The following RPH3A variants were observed in gnomAD, a reference collection of about 807,000 sequenced individuals.
RPH3A encodes rabphilin-3A.
In RPH3A, 48 loss-of-function variants were observed where a neutral mutation model predicts 102.2. The observed-to-expected ratio is 0.47, with a 90% CI of 0.37 to 0.60. The LOEUF is 0.60. RPH3A is among the 20% of genes least tolerant of loss of function. RPH3A has a pLI of 0.00. For missense variants in RPH3A, 781 were observed against 910.1 expected (o/e 0.86, Z 1.83); for synonymous variants, 310 against 324.3 (o/e 0.96, Z 0.47).
At chr12:112,660,703 A>G (rs1019204753) in intron 1 of RPH3A, among the ~76,000 whole-genome samples, 1 of 152,164 alleles carries the variant, frequency 6.6e-6, no homozygotes, top group African/African-American at 2.4e-5. Flanking sequence ...ACAAACAAAA[A>G]TCCCAAAACT....
rs113405148 is a variant in RPH3A at position 112,721,722 on chromosome 12, C to T, written c.-139-70421C>T. On this transcript the variant is annotated intron_variant, in intron 1 of 21. Transcript: ENST00000543106. ...GAGCTGCTAATCTCAGTAGTGCATA[C>T]TTATTGGAACCTACTGTAGCAATGG... Among the ~76,000 whole-genome samples, 87 of 150,984 alleles carry T rather than the reference C, an allele frequency of 5.8e-4. 1 individual carries two copies. Among genetic ancestry groups the T allele is most frequent in the African/African-American group, 2.0e-3 (84 of 41,114 alleles).
chr12:112,835,520 T>A (rs2136167257), intron 3 of RPH3A, among the ~76,000 whole-genome samples: 1 of 152,324 alleles, frequency 6.6e-6, no homozygotes, highest in East Asian at 1.9e-4. Flanking sequence ...ATGAAACATC[T>A]TGGCATTCTG....
chr12:112,808,672 A>G lies in RPH3A; in HGVS notation c.-19+16409A>G, dbSNP rs1344950796. On this transcript the variant is annotated intron_variant, in intron 2 of 21. Transcript: ENST00000389385. ...CCTGGGTTTGATTTTCTAGCATTGC[A>G]TAAAGTGGCGGTTCTCAGAATGCAA... Among the ~76,000 whole-genome samples the G allele has an allele frequency of 2.6e-5, 4 of 152,182 alleles. No individual in the cohort carries two copies. In the East Asian group the frequency reaches 7.7e-4, roughly 29 times the overall value.
intron 1 of RPH3A, among the ~76,000 whole-genome samples, chr12:112,624,397 A>G (rs2039756522): frequency 6.7e-6 from 1 of 149,020 alleles, no homozygotes; most frequent in African/African-American, 2.5e-5. Context: ...CCACAGAAAT[A>G]CAAACTACCA....
chr12:112,816,672 A>G (rs2041677023), intron 2 of RPH3A, among the ~76,000 whole-genome samples: 1 of 151,972 alleles, frequency 6.6e-6, no homozygotes, highest in Admixed American at 6.5e-5. Context: ...GTACTCAACA[A>G]ATGACCCACG....
At chr12:112,783,586 G>A (rs1420388148) in intron 1 of RPH3A, among the ~76,000 whole-genome samples, 2 of 152,190 alleles carry the variant, frequency 1.3e-5, no homozygotes, top group Non-Finnish European at 2.9e-5. Context: ...TAATAATATA[G>A]TAGTAGCTAA....
In RPH3A at chr12:112,889,986, T is replaced by C. The variant is rs372171331; in HGVS notation, c.1564-38T>C. 9.0e-5 allele frequency: 144 copies of C among 1,598,406 alleles called. No homozygotes were observed. In the Middle Eastern group the frequency reaches 9.9e-4, roughly 11 times the overall value. ...TTCTTGCGCAGGAAGATGAGCTCCA[T>C]AGACAATGTTATCTTTTATTTGTTT... On this transcript the variant is annotated intron_variant, in intron 17 of 21. Transcript: ENST00000389385.
At chr12:112,719,277 G>A (rs2040535797) in intron 1 of RPH3A, among the ~76,000 whole-genome samples, 2 of 152,154 alleles carry the variant, frequency 1.3e-5, no homozygotes, top group African/African-American at 4.8e-5. Context: ...GAGAAATGGG[G>A]AAGTCAGACA....
intron 1 of RPH3A, among the ~76,000 whole-genome samples, chr12:112,783,818 G>T (rs1042728735): frequency 6.6e-6 from 1 of 152,132 alleles, no homozygotes; most frequent in Non-Finnish European, 1.5e-5. Flanking sequence ...CTAGGTGCTT[G>T]GTGAGTGTCT....
At chr12:112,872,282 T>C (rs1306248774) in intron 10 of RPH3A, among the ~76,000 whole-genome samples, 1 of 152,228 alleles carries the variant, frequency 6.6e-6, no homozygotes, top group Non-Finnish European at 1.5e-5. Flanking sequence ...TGGTTTTGAC[T>C]TGCATTTCCC....
chr12:112,695,372 T>C (rs532105500), intron 1 of RPH3A, among the ~76,000 whole-genome samples: 1 of 152,312 alleles, frequency 6.6e-6, no homozygotes, highest in South Asian at 2.1e-4. Flanking sequence ...AAAAAGAAAT[T>C]TGTTTATTCC....
Position 112,600,418 on chromosome 12 carries a change from G to A in RPH3A, c.-140+25099G>A, listed in dbSNP as rs567836686. Among the ~76,000 whole-genome samples, 16 of 152,294 alleles carry A rather than the reference G, an allele frequency of 1.1e-4. No homozygotes were observed. In the South Asian group the frequency reaches 2.7e-3, roughly 26 times the overall value. Reference sequence around the variant, plus strand: ...TCCTTTTTCTGTCATAAGGTGTGAGGTTAAGCAGTTGGGATTGTGAGACAG... The same window carrying A: ...TCCTTTTTCTGTCATAAGGTGTGAGATTAAGCAGTTGGGATTGTGAGACAG... On this transcript the variant is annotated intron_variant, in intron 1 of 21. Coordinates refer to the RPH3A transcript ENST00000543106.
At chr12:112,786,340 C>T (rs1360617442) in intron 1 of RPH3A, among the ~76,000 whole-genome samples, 1 of 152,200 alleles carries the variant, frequency 6.6e-6, no homozygotes, top group Non-Finnish European at 1.5e-5. Flanking sequence ...GCACATAGGC[C>T]GATCTCAGGG....
chr12:112,659,858 GC>G (rs2040037586), intron 1 of RPH3A, among the ~76,000 whole-genome samples: 1 of 152,072 alleles, frequency 6.6e-6, no homozygotes, highest in Admixed American at 6.6e-5. Context: ...TTCTTCGGGT[GC>G]CCCTTTGCTT....
At chr12:112,837,846 C>G in intron 4 of RPH3A, 1 of 455,360 alleles carries the variant, frequency 2.2e-6, no homozygotes, top group Non-Finnish European at 4.4e-6. Flanking sequence ...GTCCTTCATC[C>G]CCAGGCTCCT....
intron 1 of RPH3A, among the ~76,000 whole-genome samples, chr12:112,709,693 T>G (rs1023799532): frequency 6.6e-6 from 1 of 152,172 alleles, no homozygotes; most frequent in South Asian, 2.1e-4. Flanking sequence ...GTCTGGGACA[T>G]CTGAAAAAAT....
chr12:112,885,284 CCA>C (rs759393536), intron 16 of RPH3A, among the ~76,000 whole-genome samples: 23 of 152,166 alleles, frequency 1.5e-4, no homozygotes, highest in Non-Finnish European at 2.6e-4. Flanking sequence ...ATAGAAACTG[CCA>C]GTTTTCCATA....
chr12:112,689,042 A>T (rs1192195973), intron 1 of RPH3A, among the ~76,000 whole-genome samples: 1 of 152,182 alleles, frequency 6.6e-6, no homozygotes, highest in Non-Finnish European at 1.5e-5. Context: ...TCTTTTTCTC[A>T]TGCAATTTTA....
chr12:112,774,727 C>T (rs753443021), intron 1 of RPH3A, among the ~76,000 whole-genome samples: 30 of 150,942 alleles, frequency 2.0e-4, no homozygotes, highest in African/African-American at 5.4e-4. Flanking sequence ...AGCTGAACAA[C>T]GAGAACACAT....
Sources: allele counts gnomAD v4.1 joint callset (sites outside exome capture counted in the v4.1 genomes callset), GRCh38; gene constraint gnomAD v4.1.1; transcripts MANE v1.5; gene names NCBI Gene and HGNC (gene_info 2026-07-23, HGNC 2026-07-21).